TIMM44: variants seen among roughly 807,000 people sequenced by gnomAD.
The protein encoded by TIMM44 is mitochondrial import inner membrane translocase subunit TIM44.
A neutral mutation model predicts 63.8 loss-of-function variants in TIMM44; 37 were observed. That is an observed-to-expected ratio of 0.58 (90% CI 0.45 to 0.76). The LOEUF (loss-of-function observed/expected upper bound fraction) is 0.76, where lower values mean the gene tolerates loss of function less well. Ranked by LOEUF, TIMM44 falls within the 30% of genes least tolerant of loss-of-function variation. TIMM44 has a pLI of 0.00. For missense variants in TIMM44, 573 were observed against 603.8 expected (o/e 0.95, Z 0.54); for synonymous variants, 239 against 245.1 (o/e 0.98, Z 0.23).
At chr19:7,938,234 A>T in intron 2 of TIMM44, 37 bp from the exon 3 acceptor site, 1 of 1,548,632 alleles carries the variant, frequency 6.5e-7, no homozygotes, top group Non-Finnish European at 8.8e-7. Flanking sequence ...TTTAAAGAAC[A>T]TAGTAGAACA....
rs142233664 is a variant in TIMM44, at chr19:7,937,117, C to T, written c.312+910G>A. 5.8e-3 allele frequency among the ~76,000 whole-genome samples: 866 copies of T among 149,888 alleles called. 8 individuals are homozygous for T. Among genetic ancestry groups the T allele is most frequent in the African/African-American group, 0.02 (823 of 40,654 alleles). ...ACTCTGCTTCAAAAAACAACAACAA[C>T]AACAACAACAAATCAGCTGGGTGTG... On this transcript the variant is annotated intron_variant, in intron 3 of 12. Transcript: ENST00000270538.
chr19:7,928,287 G>T, intron 10 of TIMM44, 121 bp from the exon 11 acceptor site: 2 of 812,848 alleles, frequency 2.5e-6, no homozygotes, highest in Non-Finnish European at 4.0e-6. Flanking sequence ...AATGGCAGAG[G>T]CCAAGAACCC....
chr19:7,937,910 C>A (rs1984199288), intron 3 of TIMM44, 117 bp downstream of exon 3: 8 of 1,293,556 alleles, frequency 6.2e-6, no homozygotes, highest in Non-Finnish European at 8.9e-6. Context: ...CCCAGCTACT[C>A]AGGAGGCTGA....
At chr19:7,940,892 C>T (rs982526292) in intron 2 of TIMM44, among the ~76,000 whole-genome samples, 1 of 152,032 alleles carries the variant, frequency 6.6e-6, no homozygotes, top group Non-Finnish European at 1.5e-5. Context: ...TATCCCCTTA[C>T]GACATCAAGC....
chr19:7,931,532 G>A (rs529122417), intron 9 of TIMM44: 150 of 367,426 alleles, frequency 4.1e-4, no homozygotes, highest in Middle Eastern at 1.8e-3. Context: ...CCAGGGAGAT[G>A]AGGACCCAAC....
intron 4 of TIMM44, 36 bp downstream of exon 4, chr19:7,935,029 G>A: frequency 6.3e-7 from 1 of 1,588,146 alleles, no homozygotes; most frequent in Non-Finnish European, 8.6e-7. Context: ...GGACTTTGAT[G>A]GCCCCAGCGG....
In TIMM44 at chr19:7,933,607, G is replaced by T. The variant is rs756529209; in HGVS notation, c.684-37C>A. 1 of 1,568,870 alleles carries T rather than the reference G, an allele frequency of 6.4e-7. No homozygotes were observed. The highest frequency in any genetic ancestry group is 1.1e-5 in the South Asian group (1 of 90,186). The stretch of plus-strand genomic sequence containing the variant: ...GGTGGGCCCTGGGGTGAGCGGCGGC[G>T]CCAGGGCCACCCTGTGCCCTCCTGC... On this transcript the variant is annotated intron_variant, in intron 6 of 12. Coordinates refer to ENST00000270538, the MANE Select transcript of TIMM44 (RefSeq NM_006351.4). This position sits in a 1 kb window ranked among gnomAD's most constrained non-coding sequence, Gnocchi z 4.3.
chr19:7,927,980 TG>T, intron 11 of TIMM44, 96 bp downstream of exon 11: 1 of 1,283,430 alleles, frequency 7.8e-7, no homozygotes, highest in African/African-American at 1.5e-5. Context: ...GATCAGCCCA[TG>T]GCCCCCAGCC....
rs1984100257 is a variant in TIMM44, at chr19:7,934,924, C to A, written c.393+141G>T. 2 of 756,150 alleles carry A rather than the reference C, an allele frequency of 2.6e-6. No individual in the cohort carries two copies. Among genetic ancestry groups the A allele is most frequent in the Non-Finnish European group, 4.6e-6 (2 of 436,970 alleles). 46.8% of individuals were successfully genotyped at this position (756,150 alleles called of 1,614,324 possible). ...CTGCATGTGCCGGGAACTCCTGAAA[C>A]CTTCCCGAGGGTGGCAGCACGCCCC... On this transcript the variant is annotated intron_variant, in intron 4 of 12. Transcript: ENST00000270538. This position sits in a 1 kb window ranked among gnomAD's most constrained non-coding sequence, Gnocchi z 5.3.
chr19:7,941,275 G>T, intron 1 of TIMM44, 78 bp from the exon 2 acceptor site: 3 of 1,135,504 alleles, frequency 2.6e-6, no homozygotes, highest in Non-Finnish European at 4.0e-6. Context: ...ACACAAAACA[G>T]CAGGGTCACC....
rs1395024345 is a variant in TIMM44 at position 7,927,594 on chromosome 19, C to G, written c.1239+63G>C. On this transcript the variant is annotated intron_variant, in intron 12 of 12. Coordinates refer to ENST00000270538, the MANE Select transcript of TIMM44 (RefSeq NM_006351.4). ...CTGAGCTGGGGTCTCTGCCAGGTGGCCACACACAGATCTTGGGGACAGGCG... is the reference window on the plus strand; with the variant it reads ...CTGAGCTGGGGTCTCTGCCAGGTGGGCACACACAGATCTTGGGGACAGGCG... 1.5e-5 allele frequency: 22 copies of G among 1,503,672 alleles called. No individual in the cohort carries two copies. In the African/African-American group the frequency reaches 2.7e-4, roughly 19 times the overall value. 93.1% of individuals were successfully genotyped at this position (1,503,672 alleles called of 1,614,324 possible). A position where few individuals can be genotyped will look rare whatever the true frequency, so the allele number is the denominator to read the frequency against.
Position 7,931,206 on chromosome 19 carries a change from A to G in TIMM44, c.988-18T>C. 6.2e-7 allele frequency: 1 copy of G among 1,612,740 alleles called. No homozygotes were observed. The highest frequency in any genetic ancestry group is 8.5e-7 in the Non-Finnish European group (1 of 1,178,824). The stretch of plus-strand genomic sequence containing the variant: ...ATCATGGCCTAAAAAGGAAGGGAAA[A>G]TAAGCACCAGAACGAGAGTGGGCTT... On this transcript the variant is annotated intron_variant, in intron 9 of 12. Coordinates refer to ENST00000270538, the MANE Select transcript of TIMM44 (RefSeq NM_006351.4).
chr19:7,937,961 T>A, intron 3 of TIMM44, 66 bp downstream of exon 3: 1 of 1,595,530 alleles, frequency 6.3e-7, no homozygotes, highest in Non-Finnish European at 8.6e-7. Context: ...GAGGTTGCAG[T>A]GAGCCGAGAT....
At chr19:7,937,451 C>G (rs1984187870) in intron 3 of TIMM44, among the ~76,000 whole-genome samples, 1 of 152,174 alleles carries the variant, frequency 6.6e-6, no homozygotes, top group African/African-American at 2.4e-5. Flanking sequence ...GTGTGAGCCT[C>G]TGCACTGCTC....
intron 3 of TIMM44, 135 bp from the exon 4 acceptor site, chr19:7,935,280 C>G (rs1984122016): frequency 1.3e-6 from 1 of 795,342 alleles, no homozygotes; most frequent in Non-Finnish European, 2.1e-6. Flanking sequence ...ATTTTCCTGC[C>G]CCAGCCTCCC....
Position 7,927,230 on chromosome 19 carries a change from C to T in TIMM44, c.1316G>A (p.Arg439Gln), listed in dbSNP as rs774846981. ...QDELNPYAAW[R>Q]LLDISASSTE... ...GCTGGAGGCCGAGATGTCCAGGAGC[C>T]GCCAGGCCGCGTAGGGGTTGAGCTC... Residue 439 changes from arginine (R) to glutamine (Q), a missense_variant, in exon 13 of 13, where the codon CGG becomes CAG. Physicochemically the swap from Arg to Gln is conservative, Grantham distance 43. Coordinates refer to ENST00000270538, the MANE Select transcript of TIMM44 (RefSeq NM_006351.4). The T allele has an allele frequency of 1.2e-6, 2 of 1,612,050 alleles. No homozygotes were observed. Among genetic ancestry groups the T allele is most frequent in the African/African-American group, 1.3e-5 (1 of 75,020 alleles).
intron 9 of TIMM44, 137 bp downstream of exon 9, chr19:7,932,490 C>CGT: frequency 1.6e-6 from 2 of 1,257,984 alleles, no homozygotes; most frequent in Non-Finnish European, 2.2e-6. Context: ...GGCAGGAGCC[C>CGT]GTGTGCAACC....
intron 2 of TIMM44, among the ~76,000 whole-genome samples, chr19:7,939,249 G>A (rs1413069314): frequency 6.6e-6 from 1 of 152,156 alleles, no homozygotes; most frequent in African/African-American, 2.4e-5. Flanking sequence ...GGAGGGGCAT[G>A]GCAACTCTTT....
At position 7,938,059 on chromosome 19, in the gene TIMM44, A is replaced by C. The variant is rs761215044; in HGVS notation, c.280T>G (p.Ser94Ala). Reference sequence around the variant, plus strand: ...CTTCTGGCCTCCTGGAGCACGTCTGATTCTTCTAGCCTTCTGGCCTCGTCA... The same window carrying C: ...CTTCTGGCCTCCTGGAGCACGTCTGCTTCTTCTAGCCTTCTGGCCTCGTCA... ...FRDEARRLEE[S>A]DVLQEARRKY... Residue 94 changes from serine to alanine, a missense_variant, in exon 3 of 13, where the codon TCA becomes GCA. Physicochemically the swap from Ser to Ala is moderately conservative, Grantham distance 99. Transcript: ENST00000270538. 1 of 1,614,074 alleles carries C rather than the reference A, an allele frequency of 6.2e-7. No homozygotes were observed. Among genetic ancestry groups the C allele is most frequent in the Admixed American group, 1.7e-5 (1 of 59,990 alleles).
Sources: gnomAD v4.1 joint callset for allele counts (sites outside exome capture counted in the v4.1 genomes callset) on GRCh38, gnomAD v4.1.1 for gene constraint, Gnocchi (gnomAD v3.1) non-coding constraint, MANE v1.5 for transcripts, NCBI Gene and HGNC (gene_info 2026-07-23, HGNC 2026-07-21) for gene names.